The following ULK4 variants were observed in gnomAD, a reference collection of about 807,000 sequenced individuals.
ULK4 encodes inactive serine/threonine-protein kinase ULK4.
ULK4 carries 133 observed loss-of-function variants against 160.6 expected under a neutral mutation model. The observed-to-expected ratio is 0.83, with a 90% CI of 0.72 to 0.96. The LOEUF (loss-of-function observed/expected upper bound fraction) is 0.96, where lower values mean the gene tolerates loss of function less well. Ranked by LOEUF, ULK4 falls within the 40% of genes least tolerant of loss-of-function variation. The pLI is 0.00. For synonymous variants in ULK4, 534 were observed against 539.8 expected (o/e 0.99, Z 0.15); for missense variants, 1,580 against 1,499.5 (o/e 1.05, Z -0.89).
intron 31 of ULK4, among the ~76,000 whole-genome samples, chr3:41,600,275 T>C (rs1432877188): frequency 1.3e-5 from 2 of 152,188 alleles, no homozygotes; most frequent in Non-Finnish European, 2.9e-5. Flanking sequence ...GCGCAGGTGG[T>C]GACTAAACAT....
chr3:41,880,715 G>C (rs568562634), intron 17 of ULK4, among the ~76,000 whole-genome samples: 1 of 152,244 alleles, frequency 6.6e-6, no homozygotes, highest in East Asian at 1.9e-4. Context: ...CTTGAGGCCA[G>C]GAGTTCAAGA....
chr3:41,737,260 C>A (rs2038087082), intron 22 of ULK4, among the ~76,000 whole-genome samples: 1 of 151,946 alleles, frequency 6.6e-6, no homozygotes, highest in African/African-American at 2.4e-5. Flanking sequence ...AACTCCCATT[C>A]ACAACTGCTT....
Position 41,872,556 on chromosome 3 carries a change from C to A in ULK4, c.1656+11318G>T, listed in dbSNP as rs146222895. ...TCTGCAGAAGGATAAGCCAGTTAAA[C>A]GTACAGCTCAGCCAGGTCCACTTCC... On this transcript the variant is annotated intron_variant, in intron 17 of 36. Coordinates refer to ENST00000301831, the MANE Select transcript of ULK4 (RefSeq NM_017886.4). Among the ~76,000 whole-genome samples, 6 of 120,500 alleles carry A rather than the reference C, an allele frequency of 5.0e-5. No individual in the cohort carries two copies. The East Asian group carries it at 6.3e-4, about 13-fold the overall frequency. The allele number at this position is 120,500 out of a possible 152,430, so 79.1% of individuals were successfully genotyped here. A position where few individuals can be genotyped will look rare whatever the true frequency, so the allele number is the denominator to read the frequency against.
chr3:41,897,539 T>C (rs1294184624), intron 14 of ULK4, among the ~76,000 whole-genome samples: 1 of 152,222 alleles, frequency 6.6e-6, no homozygotes, highest in Non-Finnish European at 1.5e-5. Context: ...TTTTGGCTGA[T>C]CTCTATCTTT....
Position 41,368,878 on chromosome 3 carries a change from A to T in ULK4, c.3678+29201T>A, listed in dbSNP as rs180810999. Among the ~76,000 whole-genome samples the T allele has an allele frequency of 2.2e-3, 342 of 152,302 alleles. 3 individuals carry two copies. Among genetic ancestry groups the T allele is most frequent in the Non-Finnish European group, 3.5e-3 (238 of 68,012 alleles). The stretch of plus-strand genomic sequence containing the variant: ...TATAAACTGTATTGCTTTTGTAATT[A>T]AAAAAATACTGCTTAAAAAATTACA... On this transcript the variant is annotated intron_variant, in intron 35 of 36. Coordinates refer to ENST00000301831, the MANE Select transcript of ULK4 (RefSeq NM_017886.4).
At position 41,424,130 on chromosome 3, in the gene ULK4, C is replaced by T. The variant is rs78148366; in HGVS notation, c.3493-25866G>A. Among the ~76,000 whole-genome samples the T allele has an allele frequency of 9.9e-3, 1,511 of 152,078 alleles. 9 individuals carry two copies. Among genetic ancestry groups the T allele is most frequent in the African/African-American group, 0.022 (911 of 41,504 alleles). The stretch of plus-strand genomic sequence containing the variant: ...GCTGGAGATACTAGATGGTTTGGAT[C>T]CAGGAGGAATTCTTCACAGGGCAGC... On this transcript the variant is annotated intron_variant, in intron 34 of 36. Coordinates refer to ENST00000301831, the MANE Select transcript of ULK4 (RefSeq NM_017886.4).
intron 33 of ULK4, among the ~76,000 whole-genome samples, chr3:41,462,672 C>G (rs1026217361): frequency 2.0e-5 from 3 of 152,328 alleles, no homozygotes; most frequent in African/African-American, 7.2e-5. Context: ...TACAAACACA[C>G]ACATGCATGT....
intron 35 of ULK4, among the ~76,000 whole-genome samples, chr3:41,285,266 A>G (rs1553638910): frequency 3.3e-5 from 5 of 152,262 alleles, no homozygotes; most frequent in Non-Finnish European, 4.4e-5. Context: ...ATAAGTCATT[A>G]TATGAAAAAG....
At chr3:41,673,431 T>C (rs2035602984) in intron 29 of ULK4, among the ~76,000 whole-genome samples, 1 of 152,120 alleles carries the variant, frequency 6.6e-6, no homozygotes. Context: ...TTCCAGTTCC[T>C]AAAAGGAAAT....
chr3:41,574,531 CT>C (rs568406782), intron 31 of ULK4, among the ~76,000 whole-genome samples: 82 of 92,096 alleles, frequency 8.9e-4, no homozygotes, highest in African/African-American at 2.3e-3. Context: ...CCAGAGTCCT[CT>C]TTTTTTTTTT....
At chr3:41,751,229 T>C (rs1229867756) in intron 22 of ULK4, among the ~76,000 whole-genome samples, 6 of 152,102 alleles carry the variant, frequency 3.9e-5, no homozygotes, top group Non-Finnish European at 8.8e-5. Context: ...GGTGGTGTAG[T>C]CTTTCTAGAA....
intron 32 of ULK4, among the ~76,000 whole-genome samples, chr3:41,475,129 T>G (rs1297181822): frequency 6.6e-6 from 1 of 152,190 alleles, no homozygotes; most frequent in South Asian, 2.1e-4. Flanking sequence ...GAAAATGTGG[T>G]ACATACACGC....
intron 35 of ULK4, among the ~76,000 whole-genome samples, chr3:41,279,369 C>A (rs1407604303): frequency 6.6e-6 from 1 of 151,500 alleles, no homozygotes; most frequent in African/African-American, 2.4e-5. Flanking sequence ...GAGAATGGGA[C>A]CAAGTTAGAA....
At chr3:41,433,591 T>C (rs1308797127) in intron 34 of ULK4, among the ~76,000 whole-genome samples, 2 of 152,132 alleles carry the variant, frequency 1.3e-5, no homozygotes. Flanking sequence ...CCTAGAAGCT[T>C]AAACATCCAT....
chr3:41,869,229 A>G (rs1697006881), intron 17 of ULK4: 1 of 152,114 alleles, frequency 6.6e-6, no homozygotes, highest in Non-Finnish European at 1.5e-5. Context: ...AATCAACATT[A>G]TATTATTTCA....
At chr3:41,332,214 A>C (rs961727172) in intron 35 of ULK4, among the ~76,000 whole-genome samples, 2 of 152,014 alleles carry the variant, frequency 1.3e-5, no homozygotes, top group Non-Finnish European at 2.9e-5. Flanking sequence ...GAGGAAAAAA[A>C]AAAACAAAAA....
chr3:41,868,022 T>A (rs1696959400), intron 17 of ULK4, among the ~76,000 whole-genome samples: 1 of 152,212 alleles, frequency 6.6e-6, no homozygotes, highest in Admixed American at 6.5e-5. Flanking sequence ...TAAAGAGATG[T>A]TTTATGGCCA....
chr3:41,402,363 C>T (rs944642346), intron 34 of ULK4, among the ~76,000 whole-genome samples: 1 of 152,144 alleles, frequency 6.6e-6, no homozygotes, highest in Non-Finnish European at 1.5e-5. Flanking sequence ...CCATACCCTA[C>T]ACTACACTAG....
At chr3:41,612,417 A>G (rs547539321) in intron 31 of ULK4, among the ~76,000 whole-genome samples, 1 of 152,222 alleles carries the variant, frequency 6.6e-6, no homozygotes, top group African/African-American at 2.4e-5. Context: ...CTACCTTCGT[A>G]ACAGCTCCTA....
Sources: allele counts gnomAD v4.1 joint callset (sites outside exome capture counted in the v4.1 genomes callset), GRCh38; gene constraint gnomAD v4.1.1; transcripts MANE v1.5; gene names NCBI Gene and HGNC (gene_info 2026-07-23, HGNC 2026-07-21).